Variants in SDCCAG8 observed in about 807,000 individuals in gnomAD.
SDCCAG8 encodes the protein serologically defined colon cancer antigen 8.
Under a neutral mutation model 101.8 loss-of-function variants are expected in SDCCAG8, and 74 were observed. That is an observed-to-expected ratio of 0.73 (90% confidence interval 0.60 to 0.88). SDCCAG8 has a LOEUF of 0.88. Among genes scored for constraint, SDCCAG8 ranks in the 40% least tolerant of loss-of-function variants. The pLI is 0.00. For missense variants in SDCCAG8, 787 were observed against 822.6 expected (o/e 0.96, Z 0.53); for synonymous variants, 281 against 292.9 (o/e 0.96, Z 0.41).
rs186103864 is a variant in SDCCAG8, at chr1:243,310,378, G to A, written c.929+2201G>A. On this transcript the variant is annotated intron_variant, in intron 8 of 17. Transcript: ENST00000366541. ...ACATCATTTTTAAAAATCTTCAAGCGTTCATGAGGTACATATTATTACCCC... is the reference window on the plus strand; with the variant it reads ...ACATCATTTTTAAAAATCTTCAAGCATTCATGAGGTACATATTATTACCCC... Among the ~76,000 whole-genome samples, 22 of 152,134 alleles carry A rather than the reference G, an allele frequency of 1.4e-4. No individual in the cohort carries two copies. The East Asian group carries it at 3.9e-3, about 27-fold the overall frequency.
intron 12 of SDCCAG8, among the ~76,000 whole-genome samples, chr1:243,373,970 A>C (rs780184070): frequency 1.3e-5 from 2 of 152,182 alleles, no homozygotes; most frequent in Non-Finnish European, 2.9e-5. Context: ...AGGAATGTGG[A>C]GGAAACTGAG....
chr1:243,264,731 A>C (rs539346275), intron 1 of SDCCAG8, among the ~76,000 whole-genome samples: 1 of 152,364 alleles, frequency 6.6e-6, no homozygotes, highest in Admixed American at 6.5e-5. Flanking sequence ...GTGCATTAGC[A>C]GAAATATTAT....
At chr1:243,405,660 T>A (rs1418884012) in intron 13 of SDCCAG8, among the ~76,000 whole-genome samples, 1 of 152,182 alleles carries the variant, frequency 6.6e-6, no homozygotes, top group African/African-American at 2.4e-5. Context: ...ATTAACACAT[T>A]TTAGACATAT....
At chr1:243,288,997 A>T in intron 5 of SDCCAG8, among the ~76,000 whole-genome samples, 1 of 146,986 alleles carries the variant, frequency 6.8e-6, no homozygotes, top group Non-Finnish European at 1.5e-5. Flanking sequence ...ACAGAGCAAG[A>T]CTCCATCTCA....
At chr1:243,263,548 C>G (rs1243324181) in intron 1 of SDCCAG8, among the ~76,000 whole-genome samples, 1 of 152,150 alleles carries the variant, frequency 6.6e-6, no homozygotes, top group African/African-American at 2.4e-5. Context: ...GTGCATCAGT[C>G]CTCTCCACTG....
intron 16 of SDCCAG8, among the ~76,000 whole-genome samples, chr1:243,478,717 G>A (rs1429092397): frequency 6.6e-6 from 1 of 152,142 alleles, no homozygotes; most frequent in African/African-American, 2.4e-5. Context: ...CCAGCACTTT[G>A]GGAAGCTGAG....
At chr1:243,257,057 C>T (rs2066791264) in intron 1 of SDCCAG8, among the ~76,000 whole-genome samples, 1 of 152,104 alleles carries the variant, frequency 6.6e-6, no homozygotes, top group South Asian at 2.1e-4. Context: ...AATTTCGATT[C>T]TGTTATAATG....
At chr1:243,302,726 CT>C (rs2071650298) in intron 6 of SDCCAG8, among the ~76,000 whole-genome samples, 1 of 152,190 alleles carries the variant, frequency 6.6e-6, no homozygotes, top group African/African-American at 2.4e-5. Flanking sequence ...TCAAAGTGGT[CT>C]CCTTGCCTGC....
chr1:243,344,292 C>T lies in SDCCAG8; in HGVS notation c.1434C>T (p.Phe478=). The change falls in exon 12 of 18, where the codon TTC becomes TTT. Residue 478 remains phenylalanine (F), a synonymous_variant. Transcript: ENST00000366541. ...AGGCAGAAAAGGAGCACAGAGAGTTCAGAGCAAAAACTAACAGGGATCTTG... is the reference window on the plus strand; with the variant it reads ...AGGCAGAAAAGGAGCACAGAGAGTTTAGAGCAAAAACTAACAGGGATCTTG... ...KDEAEKEHRE[F]RAKTNRDLEI... is the part of the protein sequence containing the mutation. 1.2e-6 allele frequency: 2 copies of T among 1,613,844 alleles called. No individual in the cohort carries two copies.
intron 15 of SDCCAG8, among the ~76,000 whole-genome samples, chr1:243,424,597 T>C (rs1193873561): frequency 6.6e-6 from 1 of 152,054 alleles, no homozygotes; most frequent in Non-Finnish European, 1.5e-5. Context: ...TTTAGATCAA[T>C]AAATATCACT....
intron 13 of SDCCAG8, among the ~76,000 whole-genome samples, chr1:243,401,487 T>C (rs2079393402): frequency 2.6e-5 from 4 of 152,300 alleles, no homozygotes; most frequent in South Asian, 4.1e-4. Context: ...TTACTAGAGA[T>C]TGAGTAAAGA....
intron 13 of SDCCAG8, among the ~76,000 whole-genome samples, chr1:243,411,578 C>G (rs570541264): frequency 1.3e-5 from 2 of 152,114 alleles, no homozygotes; most frequent in South Asian, 4.1e-4. Context: ...GTCCTTGTGC[C>G]CTTTTGCTCC....
At chr1:243,298,756 A>G (rs1352004985) in intron 6 of SDCCAG8, among the ~76,000 whole-genome samples, 2 of 152,204 alleles carry the variant, frequency 1.3e-5, no homozygotes, top group African/African-American at 4.8e-5. Flanking sequence ...CCTTTATGAT[A>G]GTACCTTTCT....
intron 1 of SDCCAG8, among the ~76,000 whole-genome samples, chr1:243,264,441 C>T (rs2067427842): frequency 6.6e-6 from 1 of 152,066 alleles, no homozygotes; most frequent in South Asian, 2.1e-4. Flanking sequence ...ATGGAGAAAC[C>T]CTGTCTCTAC....
In SDCCAG8 at chr1:243,426,414, T is replaced by A; in HGVS notation, c.1854-13T>A. On this transcript the variant is annotated splice_polypyrimidine_tract_variant and intron_variant, in intron 15 of 17. Coordinates refer to ENST00000366541, the MANE Select transcript of SDCCAG8 (RefSeq NM_006642.5). ...ACTTCTAACATCTATTATTTTTGTG[T>A]TTTCACCTCTAGATCTGAAATAGCT... The A allele has an allele frequency of 1.2e-6, 2 of 1,610,136 alleles. No homozygotes were observed. The highest frequency in any genetic ancestry group is 1.7e-6 in the Non-Finnish European group (2 of 1,176,878).
At chr1:243,384,474 G>T (rs935939175) in intron 13 of SDCCAG8, among the ~76,000 whole-genome samples, 19 of 151,922 alleles carry the variant, frequency 1.3e-4, no homozygotes, top group Admixed American at 1.1e-3. Flanking sequence ...TTTTAACTTT[G>T]TGTAAATATA....
At chr1:243,427,558 C>T (rs2081423641) in intron 16 of SDCCAG8, among the ~76,000 whole-genome samples, 1 of 152,018 alleles carries the variant, frequency 6.6e-6, no homozygotes, top group Non-Finnish European at 1.5e-5. Context: ...CTCGGCATCC[C>T]CACACCATTT....
At chr1:243,472,673 G>A (rs998225000) in intron 16 of SDCCAG8, among the ~76,000 whole-genome samples, 14 of 152,184 alleles carry the variant, frequency 9.2e-5, no homozygotes, top group African/African-American at 3.4e-4. Context: ...TAATTTATTT[G>A]CTGTGGAACA....
rs1227795134 is a variant in SDCCAG8, at chr1:243,498,810, TTC to T, written c.2113-942_2113-941del. On this transcript the variant is annotated intron_variant, in intron 17 of 17. Coordinates refer to ENST00000366541, the MANE Select transcript of SDCCAG8 (RefSeq NM_006642.5). The stretch of plus-strand genomic sequence containing the variant: ...CCTCACTGGAGAGGGGCAGGCCCAC[TTC>T]TCTTTTTGGAAGATGGTTCCTAACT... Among the ~76,000 whole-genome samples the T allele has an allele frequency of 6.6e-5, 10 of 152,346 alleles. No individual in the cohort carries two copies. The South Asian group carries it at 1.2e-3, about 19-fold the overall frequency.
Sources: allele counts gnomAD v4.1 joint callset (sites outside exome capture counted in the v4.1 genomes callset), GRCh38; gene constraint gnomAD v4.1.1; transcripts MANE v1.5; gene names NCBI Gene and HGNC (gene_info 2026-07-23, HGNC 2026-07-21).